SPAG16: variants seen among roughly 807,000 people sequenced by gnomAD.
The protein encoded by SPAG16 is sperm associated antigen 16.
Under a neutral mutation model 80.4 loss-of-function variants are expected in SPAG16, and 86 were observed. The observed-to-expected ratio is 1.07, with a 90% CI of 0.90 to 1.28. SPAG16 has a LOEUF of 1.28. SPAG16 is among the 50% of genes most tolerant of loss of function. The pLI is 0.00. For missense variants in SPAG16, 870 were observed against 765.3 expected (o/e 1.14, Z -1.61); for synonymous variants, 294 against 265.9 (o/e 1.11, Z -1.03).
rs1214902428 is a variant in SPAG16 at position 214,244,197 on chromosome 2, CT to C, written c.1720+94937del. Among the ~76,000 whole-genome samples, 7 of 151,702 alleles carry C rather than the reference CT, an allele frequency of 4.6e-5. No homozygotes were observed. The South Asian group carries it at 8.3e-4, about 18-fold the overall frequency. On this transcript the variant is annotated intron_variant, in intron 15 of 15. Coordinates refer to ENST00000331683, the MANE Select transcript of SPAG16 (RefSeq NM_024532.5). ...AAATTGGATATATTTAAAATAATTA[CT>C]TTTTTATATAGAATGCCATAGATCA...
At chr2:213,949,709 A>G (rs539024565) in intron 12 of SPAG16, among the ~76,000 whole-genome samples, 1 of 152,270 alleles carries the variant, frequency 6.6e-6, no homozygotes, top group South Asian at 2.1e-4. Flanking sequence ...TTAGGCCTTC[A>G]TTTTTATTGC....
At chr2:213,995,448 T>C (rs2046471448) in intron 12 of SPAG16, among the ~76,000 whole-genome samples, 1 of 152,230 alleles carries the variant, frequency 6.6e-6, no homozygotes, top group Non-Finnish European at 1.5e-5. Flanking sequence ...GAATTACTTT[T>C]AAATATGTGA....
intron 15 of SPAG16, among the ~76,000 whole-genome samples, chr2:214,334,079 C>G (rs374082991): frequency 6.6e-6 from 1 of 152,164 alleles, no homozygotes; most frequent in African/African-American, 2.4e-5. Flanking sequence ...GACCCAGCAC[C>G]CTCAGAAAGC....
At chr2:213,679,338 T>G (rs141554697) in intron 10 of SPAG16, among the ~76,000 whole-genome samples, 2 of 152,188 alleles carry the variant, frequency 1.3e-5, no homozygotes, top group Non-Finnish European at 2.9e-5. Flanking sequence ...AAGAACCAGA[T>G]AATAATTACA....
intron 12 of SPAG16, among the ~76,000 whole-genome samples, chr2:213,994,334 A>G (rs2046417275): frequency 6.6e-6 from 1 of 152,200 alleles, no homozygotes; most frequent in Non-Finnish European, 1.5e-5. Context: ...TTACCAAGAA[A>G]AAAGGGAACT....
chr2:213,856,451 A>G (rs370324931), intron 10 of SPAG16, among the ~76,000 whole-genome samples: 1 of 152,210 alleles, frequency 6.6e-6, no homozygotes, highest in Non-Finnish European at 1.5e-5. Context: ...CCGTTAGGCA[A>G]TGCCCCAGTT....
intron 15 of SPAG16, among the ~76,000 whole-genome samples, chr2:214,404,968 A>G (rs1209247970): frequency 6.6e-6 from 1 of 152,162 alleles, no homozygotes; most frequent in Non-Finnish European, 1.5e-5. Context: ...TGAGTATTTT[A>G]GTTTCAGAGT....
chr2:213,910,642 C>T (rs1270283818), intron 11 of SPAG16, among the ~76,000 whole-genome samples: 1 of 82,856 alleles, frequency 1.2e-5, no homozygotes, highest in African/African-American at 3.1e-5. Flanking sequence ...GCGCCCGCTA[C>T]CACGCCCGGC....
chr2:214,108,013 C>T (rs941856392), intron 13 of SPAG16, among the ~76,000 whole-genome samples, 183 bp from the exon 14 acceptor site: 8 of 151,756 alleles, frequency 5.3e-5, no homozygotes, highest in African/African-American at 1.5e-4. Context: ...GTATGCTCCC[C>T]GCTCTAGGTC....
intron 15 of SPAG16, among the ~76,000 whole-genome samples, chr2:214,349,464 T>C (rs952852026): frequency 9.2e-5 from 14 of 152,368 alleles, no homozygotes; most frequent in African/African-American, 3.4e-4. Flanking sequence ...GAATATATTA[T>C]AGTCTGTTTA....
chr2:214,042,224 G>T (rs977266601), intron 13 of SPAG16, among the ~76,000 whole-genome samples: 1 of 151,382 alleles, frequency 6.6e-6, no homozygotes, highest in Non-Finnish European at 1.5e-5. Flanking sequence ...CTCCCAAGTA[G>T]CTGGGATTAC....
At chr2:214,092,916 C>T (rs2052320274) in intron 13 of SPAG16, among the ~76,000 whole-genome samples, 1 of 152,022 alleles carries the variant, frequency 6.6e-6, no homozygotes, top group Non-Finnish European at 1.5e-5. Context: ...TTCTTCATCC[C>T]AGCAGCTCTT....
At chr2:213,936,358 A>G (rs1248690066) in intron 12 of SPAG16, among the ~76,000 whole-genome samples, 1 of 152,198 alleles carries the variant, frequency 6.6e-6, no homozygotes, top group Non-Finnish European at 1.5e-5. Context: ...GAAATGGGAA[A>G]CCATTAGTGG....
chr2:213,486,070 A>G (rs999268084), intron 9 of SPAG16, among the ~76,000 whole-genome samples: 1 of 152,174 alleles, frequency 6.6e-6, no homozygotes, highest in Non-Finnish European at 1.5e-5. Context: ...TCTTTATGTT[A>G]TAAATGTTTG....
At chr2:213,342,441 A>G (rs1288860081) in intron 6 of SPAG16, among the ~76,000 whole-genome samples, 6 of 150,012 alleles carry the variant, frequency 4.0e-5, no homozygotes, top group Admixed American at 1.3e-4. Flanking sequence ...CATACTACCT[A>G]AATTTTTATT....
chr2:213,579,304 A>G (rs948109212), intron 10 of SPAG16, among the ~76,000 whole-genome samples: 8 of 152,096 alleles, frequency 5.3e-5, no homozygotes, highest in Non-Finnish European at 5.9e-5. Context: ...GATGGCAGCT[A>G]TTTCACTGCT....
intron 15 of SPAG16, among the ~76,000 whole-genome samples, chr2:214,402,613 G>T (rs1701772807): frequency 6.6e-6 from 1 of 151,422 alleles, no homozygotes; most frequent in Non-Finnish European, 1.5e-5. Context: ...AATATAATCT[G>T]GTTTGTTTCC....
At position 213,299,631 on chromosome 2, in the gene SPAG16, T is replaced by C. The variant is rs555724199; in HGVS notation, c.279+2274T>C. 1.7e-4 allele frequency among the ~76,000 whole-genome samples: 26 copies of C among 152,190 alleles called. 1 individual carries two copies. Among genetic ancestry groups the C allele is most frequent in the African/African-American group, 6.3e-4 (26 of 41,524 alleles). On this transcript the variant is annotated intron_variant, in intron 3 of 15. Transcript: ENST00000331683. Reference sequence around the variant, plus strand: ...GTAGTATAGATTAAATATTTGAGAATTGATTGCATGGTTTGCTTTATAAAT... The same window carrying C: ...GTAGTATAGATTAAATATTTGAGAACTGATTGCATGGTTTGCTTTATAAAT...
At chr2:214,141,833 T>G (rs28616191) in intron 14 of SPAG16, among the ~76,000 whole-genome samples, 13,992 of 152,206 alleles carry the variant, frequency 0.092, 825 homozygotes, top group East Asian at 0.23. Context: ...TATCCCACAT[T>G]TTTCATTACA....
Sources: allele counts gnomAD v4.1 joint callset (sites outside exome capture counted in the v4.1 genomes callset), GRCh38; gene constraint gnomAD v4.1.1; transcripts MANE v1.5; gene names NCBI Gene and HGNC (gene_info 2026-07-23, HGNC 2026-07-21).